LRIG1: variants seen among roughly 807,000 people sequenced by gnomAD.
The protein encoded by LRIG1 is leucine rich repeats and immunoglobulin like domains 1, also known as leucine-rich repeats and immunoglobulin-like domains protein 1.
In LRIG1, 48 loss-of-function variants were observed where a neutral mutation model predicts 99.2. That is an observed-to-expected ratio of 0.48 (90% CI 0.38 to 0.62). The LOEUF (loss-of-function observed/expected upper bound fraction) is 0.62, where lower values mean the gene tolerates loss of function less well. LRIG1 is among the 20% of genes least tolerant of loss of function. LRIG1 has a pLI of 0.00. For synonymous variants in LRIG1, 772 were observed against 596.1 expected (o/e 1.29, Z -4.30); for missense variants, 1,646 against 1,434.4 (o/e 1.15, Z -2.38).
Position 66,451,487 on chromosome 3 carries a change from C to G in LRIG1, c.365+72G>C, listed in dbSNP as rs941738901. 6 of 1,284,726 alleles carry G rather than the reference C, an allele frequency of 4.7e-6. No individual in the cohort carries two copies. In the Admixed American group the frequency reaches 1.2e-4, roughly 25 times the overall value. The allele number at this position is 1,284,726 out of a possible 1,614,324, so 79.6% of individuals were successfully genotyped here. Reference sequence around the variant, plus strand: ...ACATGAACTCAAGTTATCCTGCCACCAGGTATCAGCAAGGCAACAAACACC... The same window carrying G: ...ACATGAACTCAAGTTATCCTGCCACGAGGTATCAGCAAGGCAACAAACACC... On this transcript the variant is annotated intron_variant, in intron 3 of 18. Coordinates refer to ENST00000273261, the MANE Select transcript of LRIG1 (RefSeq NM_015541.3).
At chr3:66,391,611 G>A (rs1159555001) in intron 12 of LRIG1, among the ~76,000 whole-genome samples, 1 of 152,172 alleles carries the variant, frequency 6.6e-6, no homozygotes, top group Non-Finnish European at 1.5e-5. Context: ...TCAAGGGCCT[G>A]GGGGCAGAGA....
chr3:66,483,788 C>T lies in LRIG1; in HGVS notation c.218+16402G>A, dbSNP rs144346596. 3.3e-5 allele frequency among the ~76,000 whole-genome samples: 5 copies of T among 152,148 alleles called. No individual in the cohort carries two copies. The East Asian group carries it at 9.6e-4, about 29-fold the overall frequency. ...AGCAGATGAGAGACCATGTCAACAGCTGGGAAGGGCACCGCGGGCTCCCTC... is the reference window on the plus strand; with the variant it reads ...AGCAGATGAGAGACCATGTCAACAGTTGGGAAGGGCACCGCGGGCTCCCTC... On this transcript the variant is annotated intron_variant, in intron 1 of 18. Coordinates refer to ENST00000273261, the MANE Select transcript of LRIG1 (RefSeq NM_015541.3).
At chr3:66,423,157 T>C (rs998641003) in intron 3 of LRIG1, among the ~76,000 whole-genome samples, 5 of 152,266 alleles carry the variant, frequency 3.3e-5, no homozygotes, top group Admixed American at 6.5e-5. Flanking sequence ...TTTTGCAAGA[T>C]GGAAAAAAGT....
chr3:66,426,762 C>G (rs1702993915), intron 3 of LRIG1, among the ~76,000 whole-genome samples: 1 of 152,126 alleles, frequency 6.6e-6, no homozygotes. Context: ...ACTGTATATC[C>G]TATATCCTTC....
chr3:66,449,230 C>T (rs766059169), intron 3 of LRIG1, among the ~76,000 whole-genome samples: 90 of 152,292 alleles, frequency 5.9e-4, no homozygotes, highest in African/African-American at 1.9e-3. Flanking sequence ...ATGCTGCTAA[C>T]CTAACTTGCC....
chr3:66,404,569 C>T (rs1702193326), intron 9 of LRIG1: 1 of 236,598 alleles, frequency 4.2e-6, no homozygotes, highest in African/African-American at 2.3e-5. Flanking sequence ...TAGTTTTGGG[C>T]GAAATCCCCT....
chr3:66,402,825 C>T (rs541917795), intron 9 of LRIG1, among the ~76,000 whole-genome samples: 1 of 152,356 alleles, frequency 6.6e-6, no homozygotes, highest in African/African-American at 2.4e-5. Flanking sequence ...ACAGTGCTGT[C>T]TGTGGTCACT....
intron 11 of LRIG1, among the ~76,000 whole-genome samples, chr3:66,396,133 C>T (rs1701840200): frequency 6.6e-6 from 1 of 152,232 alleles, no homozygotes; most frequent in Non-Finnish European, 1.5e-5. Context: ...CTTCTTCCAC[C>T]ATGAAACCCA....
At chr3:66,458,851 T>C (rs892871282) in intron 2 of LRIG1, among the ~76,000 whole-genome samples, 4 of 152,054 alleles carry the variant, frequency 2.6e-5, no homozygotes, top group Non-Finnish European at 5.9e-5. Context: ...ATCTCATCTC[T>C]ATCTAAAATA....
intron 3 of LRIG1, among the ~76,000 whole-genome samples, chr3:66,449,056 C>T (rs1703815062): frequency 6.6e-6 from 1 of 152,216 alleles, no homozygotes; most frequent in South Asian, 2.1e-4. Context: ...GCTGCTAAGT[C>T]TTCTGCCTTC....
chr3:66,400,687 G>A lies in LRIG1; in HGVS notation c.1161-1646C>T, dbSNP rs573272443. The stretch of plus-strand genomic sequence containing the variant: ...CACCTTCAGCCTGCATTAAGACTGG[G>A]ACCCATAAGGGAAAACAAGAAGCCC... On this transcript the variant is annotated intron_variant, in intron 9 of 18. Coordinates refer to ENST00000273261, the MANE Select transcript of LRIG1 (RefSeq NM_015541.3). 5.3e-5 allele frequency among the ~76,000 whole-genome samples: 8 copies of A among 152,286 alleles called. No individual in the cohort carries two copies. In the East Asian group the frequency reaches 5.8e-4, roughly 11 times the overall value.
chr3:66,481,135 T>C (rs889704124), intron 1 of LRIG1, among the ~76,000 whole-genome samples: 1 of 152,166 alleles, frequency 6.6e-6, no homozygotes, highest in African/African-American at 2.4e-5. Context: ...CCCTCTATAT[T>C]TCAGACCACA....
At chr3:66,450,932 G>A (rs1703885416) in intron 3 of LRIG1, among the ~76,000 whole-genome samples, 1 of 152,196 alleles carries the variant, frequency 6.6e-6, no homozygotes, top group Admixed American at 6.5e-5. Flanking sequence ...ATAGGGGTAG[G>A]ATCAGTGCTC....
At chr3:66,476,061 T>A (rs1010171060) in intron 1 of LRIG1, among the ~76,000 whole-genome samples, 7 of 152,196 alleles carry the variant, frequency 4.6e-5, no homozygotes, top group Admixed American at 1.3e-4. Flanking sequence ...AAGCGTACAA[T>A]GTATTTCAGA....
intron 3 of LRIG1, among the ~76,000 whole-genome samples, chr3:66,436,211 G>T (rs182924194): frequency 5.7e-4 from 87 of 152,300 alleles, no homozygotes; most frequent in African/African-American, 2.0e-3. Flanking sequence ...GGCCAAGGAA[G>T]ACGTGCCAGA....
At chr3:66,497,202 TAATCCC>T (rs956051542) in intron 1 of LRIG1, among the ~76,000 whole-genome samples, 5 of 152,216 alleles carry the variant, frequency 3.3e-5, no homozygotes, top group African/African-American at 1.2e-4. Flanking sequence ...TTCCTAATCC[TAATCCC>T]AATCCCAATG....
intron 11 of LRIG1, 89 bp from the exon 12 acceptor site, chr3:66,394,292 C>G: frequency 3.4e-6 from 4 of 1,166,470 alleles, no homozygotes; most frequent in Non-Finnish European, 4.7e-6. Flanking sequence ...CGCCTCCAAT[C>G]AGCTTCTCAA....
At position 66,500,332 on chromosome 3, in the gene LRIG1, G is replaced by T. The variant is rs1403625; in HGVS notation, c.76C>A (p.Leu26Ile). ...PCLLLLWLLLLRLEPVTAAAG... is the reference protein window; with the variant it reads ...PCLLLLWLLLIRLEPVTAAAG... Reference sequence around the variant, plus strand: ...GCGGCGGTCACCGGCTCCAGCCGAAGCAAAAGCAGCCAGAGAAGGAGAAGG... The same window carrying T: ...GCGGCGGTCACCGGCTCCAGCCGAATCAAAAGCAGCCAGAGAAGGAGAAGG... The change falls in exon 1 of 19, where the codon CTT (leucine) becomes ATT (isoleucine). Residue 26 changes from leucine (L) to isoleucine (I), a missense_variant. Physicochemically the swap from Leu to Ile is conservative, Grantham distance 5. Coordinates refer to ENST00000273261, the MANE Select transcript of LRIG1 (RefSeq NM_015541.3). 2 of 1,495,132 alleles carry T rather than the reference G, an allele frequency of 1.3e-6. No homozygotes were observed. The highest frequency in any genetic ancestry group is 1.8e-6 in the Non-Finnish European group (2 of 1,129,396). 92.6% of individuals were successfully genotyped at this position (1,495,132 alleles called of 1,614,324 possible).
chr3:66,438,898 G>C (rs963578508), intron 3 of LRIG1, among the ~76,000 whole-genome samples: 1 of 152,194 alleles, frequency 6.6e-6, no homozygotes, highest in African/African-American at 2.4e-5. Flanking sequence ...ACCAAGGCAG[G>C]GAATGCACAT....
Sources: allele counts gnomAD v4.1 joint callset (sites outside exome capture counted in the v4.1 genomes callset), GRCh38; gene constraint gnomAD v4.1.1; transcripts MANE v1.5; gene names NCBI Gene and HGNC (gene_info 2026-07-23, HGNC 2026-07-21).